TCF4: variants seen among roughly 807,000 people sequenced by gnomAD.
TCF4 encodes SL3-3 enhancer factor 2.
TCF4 carries 3 observed loss-of-function variants against 82.1 expected under a neutral mutation model. The ratio of observed to expected loss-of-function variants is 0.04; its 90% CI spans 0.02 to 0.09. The LOEUF (loss-of-function observed/expected upper bound fraction) is 0.09. Ranked by LOEUF, TCF4 falls within the 10% of genes least tolerant of loss-of-function variation. The pLI is 1.00. For synonymous variants in TCF4, 276 were observed against 309.6 expected (o/e 0.89, Z 1.14); for missense variants, 518 against 852.7 (o/e 0.61, Z 4.89).
intron 8 of TCF4, among the ~76,000 whole-genome samples, chr18:55,333,725 G>A (rs1164740406): frequency 3.9e-5 from 6 of 152,098 alleles, no homozygotes. Flanking sequence ...TCTCAATTGC[G>A]ATTATCCCTT....
intron 3 of TCF4, among the ~76,000 whole-genome samples, chr18:55,534,168 G>A (rs923308726): frequency 1.3e-5 from 2 of 152,108 alleles, no homozygotes; most frequent in African/African-American, 2.4e-5. Flanking sequence ...GCGTACTTTG[G>A]AACAACAGAA....
chr18:55,462,225 C>G (rs144930170), intron 4 of TCF4, among the ~76,000 whole-genome samples: 110 of 152,258 alleles, frequency 7.2e-4, no homozygotes, highest in African/African-American at 2.6e-3. Flanking sequence ...GCCAACATGT[C>G]CATCTATAAA....
chr18:55,427,801 G>GA (rs1238914279), intron 5 of TCF4, among the ~76,000 whole-genome samples: 1 of 152,148 alleles, frequency 6.6e-6, no homozygotes, highest in Admixed American at 6.5e-5. Context: ...ATTGGTAAAT[G>GA]AAAAACTGTT....
At chr18:55,617,524 A>G (rs2097713284) in intron 2 of TCF4, among the ~76,000 whole-genome samples, 1 of 152,086 alleles carries the variant, frequency 6.6e-6, no homozygotes, top group African/African-American at 2.4e-5. Context: ...CACTTTGAGT[A>G]CTATGAACAT....
At chr18:55,564,816 G>T (rs1413939042) in intron 3 of TCF4, among the ~76,000 whole-genome samples, 2 of 152,150 alleles carry the variant, frequency 1.3e-5, no homozygotes, top group African/African-American at 2.4e-5. Flanking sequence ...CCTACTATGT[G>T]TTAGAAATGG....
chr18:55,523,931 G>C (rs1911986169), intron 3 of TCF4, among the ~76,000 whole-genome samples: 1 of 151,928 alleles, frequency 6.6e-6, no homozygotes, highest in African/African-American at 2.4e-5. Flanking sequence ...AATTGTTCTA[G>C]TACCAAAACT....
chr18:55,569,102 A>G (rs911340072), intron 3 of TCF4, among the ~76,000 whole-genome samples: 2 of 152,170 alleles, frequency 1.3e-5, no homozygotes, highest in Non-Finnish European at 2.9e-5. Context: ...TCAAGTATCT[A>G]TCAACATCAA....
intron 3 of TCF4, 53 bp downstream of exon 3, chr18:55,585,227 T>G (rs2097628255): frequency 1.3e-6 from 2 of 1,534,184 alleles, no homozygotes; most frequent in Non-Finnish European, 1.8e-6. Context: ...TACAATTGAG[T>G]AAATAAACAG....
intron 3 of TCF4, among the ~76,000 whole-genome samples, chr18:55,557,826 T>C (rs2097317554): frequency 6.6e-6 from 1 of 152,148 alleles, no homozygotes; most frequent in African/African-American, 2.4e-5. Context: ...TTTTCCCCCT[T>C]TTTACATGAA....
chr18:55,508,859 G>GAAA lies in TCF4; in HGVS notation c.146-44725_146-44723dup, dbSNP rs2096793694. ...AGGTTTCATTTCACCATCCCTGCAA[G>GAAA]AAATTTGCTTACTTTTAGAAATTAT... On this transcript the variant is annotated intron_variant, in intron 3 of 19. Coordinates refer to ENST00000354452, the MANE Select transcript of TCF4 (RefSeq NM_001083962.2). 1.6e-4 allele frequency among the ~76,000 whole-genome samples: 24 copies of GAAA among 152,256 alleles called. No homozygotes were observed. In the South Asian group the frequency reaches 4.8e-3, roughly 30 times the overall value.
intron 6 of TCF4, among the ~76,000 whole-genome samples, chr18:55,387,532 C>T (rs2092704360): frequency 6.6e-6 from 1 of 152,202 alleles, no homozygotes; most frequent in African/African-American, 2.4e-5. Context: ...AAGTTCACAG[C>T]TCCTGGTCAC....
intron 6 of TCF4, chr18:55,402,295 C>T (rs575028903): frequency 4.4e-6 from 4 of 900,362 alleles, no homozygotes; most frequent in Non-Finnish European, 4.0e-6. Flanking sequence ...CACCAGAAGT[C>T]GTACCTTCCT....
intron 6 of TCF4, among the ~76,000 whole-genome samples, chr18:55,402,505 A>G (rs2093881309): frequency 6.6e-6 from 1 of 152,296 alleles, no homozygotes; most frequent in South Asian, 2.1e-4. Flanking sequence ...GAAAAAAAAA[A>G]AGTACATTTT....
At chr18:55,429,433 G>C (rs2095105884) in intron 5 of TCF4, among the ~76,000 whole-genome samples, 4 of 152,154 alleles carry the variant, frequency 2.6e-5, no homozygotes, top group Admixed American at 2.0e-4. Flanking sequence ...TCTCACTCAA[G>C]AAGAAACTTC....
chr18:55,261,330 T>C (rs2058046082), intron 12 of TCF4, 136 bp downstream of exon 12: 1 of 1,043,580 alleles, frequency 9.6e-7, no homozygotes, highest in Non-Finnish European at 1.5e-6. Flanking sequence ...CCAGTGACTG[T>C]TATGCAAGAA....
intron 6 of TCF4, among the ~76,000 whole-genome samples, chr18:55,357,978 T>A (rs1398062560): frequency 6.6e-6 from 1 of 152,222 alleles, no homozygotes; most frequent in Non-Finnish European, 1.5e-5. Flanking sequence ...CCTGAAATTA[T>A]TTAAGTCCTG....
intron 6 of TCF4, among the ~76,000 whole-genome samples, chr18:55,376,635 T>C (rs1464487029): frequency 1.3e-5 from 2 of 152,202 alleles, no homozygotes; most frequent in African/African-American, 2.4e-5. Flanking sequence ...TGACTCTTCA[T>C]AGTTTCAGTT....
At chr18:55,493,451 T>A (rs938034465) in intron 3 of TCF4, among the ~76,000 whole-genome samples, 3 of 152,144 alleles carry the variant, frequency 2.0e-5, no homozygotes, top group African/African-American at 7.2e-5. Flanking sequence ...AACAAGCTTT[T>A]TTTTAAAATG....
At chr18:55,279,804 C>T (rs973940885) in intron 8 of TCF4, 148 bp from the exon 9 acceptor site, 20 of 1,261,764 alleles carry the variant, frequency 1.6e-5, no homozygotes, top group South Asian at 1.5e-4. Context: ...GTGCCCTTTC[C>T]GAACACACTA....
Sources: allele counts gnomAD v4.1 joint callset (sites outside exome capture counted in the v4.1 genomes callset), GRCh38; gene constraint gnomAD v4.1.1; transcripts MANE v1.5; gene names NCBI Gene and HGNC (gene_info 2026-07-23, HGNC 2026-07-21).